TENM2: variants seen among roughly 807,000 people sequenced by gnomAD.
TENM2 encodes teneurin-2.
In TENM2, 52 loss-of-function variants were observed where a neutral mutation model predicts 245.2. The ratio of observed to expected loss-of-function variants is 0.21; its 90% CI spans 0.17 to 0.27. The LOEUF is 0.27. Among genes scored for constraint, TENM2 ranks in the 10% least tolerant of loss-of-function variants. TENM2 has a pLI of 1.00. For synonymous variants in TENM2, 1,363 were observed against 1,438.9 expected (o/e 0.95, Z 1.19); for missense variants, 3,046 against 3,666.8 (o/e 0.83, Z 4.37).
chr5:167,652,574 A>G (rs923649309), intron 2 of TENM2, among the ~76,000 whole-genome samples: 1 of 122,136 alleles, frequency 8.2e-6, no homozygotes, highest in Non-Finnish European at 1.7e-5. Flanking sequence ...AATTCATCCT[A>G]TCCTTCCCCC....
chr5:167,397,226 T>C (rs1275096380), intron 2 of TENM2, among the ~76,000 whole-genome samples: 1 of 150,194 alleles, frequency 6.7e-6, no homozygotes, highest in Non-Finnish European at 1.5e-5. Flanking sequence ...GGAGGGAGAA[T>C]AGGAGAGAAT....
At chr5:167,839,898 A>C (rs1312568470) in intron 2 of TENM2, among the ~76,000 whole-genome samples, 1 of 152,098 alleles carries the variant, frequency 6.6e-6, no homozygotes, top group Non-Finnish European at 1.5e-5. Flanking sequence ...GCTCACTGCA[A>C]CCTCCGCCTC....
chr5:168,071,049 C>T (rs546675972), intron 7 of TENM2, among the ~76,000 whole-genome samples: 2 of 152,248 alleles, frequency 1.3e-5, no homozygotes, highest in East Asian at 3.9e-4. Flanking sequence ...GCTGGAGAGC[C>T]TGGGCAGAAG....
intron 11 of TENM2, among the ~76,000 whole-genome samples, chr5:168,126,265 C>T (rs1353171458): frequency 1.3e-5 from 2 of 152,184 alleles, no homozygotes; most frequent in African/African-American, 4.8e-5. Context: ...TCAGTTCAGG[C>T]TGTCAGTGGG....
At chr5:168,216,154 G>A (rs1763174678) in intron 21 of TENM2, among the ~76,000 whole-genome samples, 1 of 152,158 alleles carries the variant, frequency 6.6e-6, no homozygotes, top group Non-Finnish European at 1.5e-5. Flanking sequence ...CCTTGTACTT[G>A]GGCACTGGGG....
chr5:167,573,531 C>CCTCTCCCCCT (rs1554083977), intron 2 of TENM2, among the ~76,000 whole-genome samples: 2 of 149,832 alleles, frequency 1.3e-5, no homozygotes, highest in Non-Finnish European at 3.0e-5. Flanking sequence ...CCCCTCTCCC[C>CCTCTCCCCCT]CTCTCTCTCT....
At chr5:167,275,999 A>T in the TENM2 span, among the ~76,000 whole-genome samples, 412 of 152,114 alleles carry the variant, frequency 2.7e-3, 12 homozygotes, top group East Asian at 0.056. Flanking sequence ...AATTACATTC[A>T]TTGCCTTTAA....
chr5:167,180,185 C>T, the TENM2 span, among the ~76,000 whole-genome samples: 1 of 148,582 alleles, frequency 6.7e-6, no homozygotes, highest in African/African-American at 2.5e-5. Context: ...TCTAGGCTCA[C>T]CACAACGTCC....
intron 6 of TENM2, among the ~76,000 whole-genome samples, chr5:168,057,794 T>C (rs1789679926): frequency 6.6e-6 from 1 of 152,250 alleles, no homozygotes; most frequent in Non-Finnish European, 1.5e-5. Flanking sequence ...AATTTTATTT[T>C]ATTTAATAAA....
the TENM2 span, among the ~76,000 whole-genome samples, chr5:167,080,326 T>C: frequency 1.3e-5 from 2 of 151,932 alleles, no homozygotes; most frequent in East Asian, 3.9e-4. Context: ...GAATTACTAA[T>C]CACTCTTTAT....
At chr5:167,679,413 CAT>C (rs1219361514) in intron 2 of TENM2, among the ~76,000 whole-genome samples, 4 of 152,082 alleles carry the variant, frequency 2.6e-5, no homozygotes, top group African/African-American at 9.7e-5. Context: ...GGCATGAATT[CAT>C]ATGTTATCAG....
chr5:168,045,606 G>A (rs955574367), intron 5 of TENM2, among the ~76,000 whole-genome samples: 25 of 152,252 alleles, frequency 1.6e-4, no homozygotes, highest in Admixed American at 1.2e-3. Context: ...GGGTTCCAGC[G>A]GCACCTGCAG....
intron 2 of TENM2, among the ~76,000 whole-genome samples, chr5:167,474,693 T>C (rs943616999): frequency 6.6e-6 from 1 of 152,084 alleles, no homozygotes; most frequent in Non-Finnish European, 1.5e-5. Context: ...TTTTGTATTT[T>C]TTAGTAGAGA....
chr5:167,537,952 C>T (rs1473214332), intron 2 of TENM2, among the ~76,000 whole-genome samples: 1 of 152,190 alleles, frequency 6.6e-6, no homozygotes, highest in Non-Finnish European at 1.5e-5. Context: ...GTCAAACAAG[C>T]AGTCAGCTTA....
intron 7 of TENM2, among the ~76,000 whole-genome samples, chr5:168,078,089 G>A (rs1002882642): frequency 1.7e-4 from 26 of 152,114 alleles, no homozygotes; most frequent in African/African-American, 5.6e-4. Context: ...TCCAGCACCC[G>A]TTGTTTCCTG....
intron 9 of TENM2, among the ~76,000 whole-genome samples, chr5:168,107,303 G>T (rs1794324196): frequency 6.6e-6 from 1 of 152,042 alleles, no homozygotes; most frequent in African/African-American, 2.4e-5. Context: ...TCTCCATGAT[G>T]GTATTTCTCC....
chr5:167,445,304 C>A (rs1442278932), intron 2 of TENM2, among the ~76,000 whole-genome samples: 2 of 95,854 alleles, frequency 2.1e-5, no homozygotes, highest in African/African-American at 4.4e-5. Context: ...TATTATAAAC[C>A]ATATGATTAT....
At chr5:167,688,090 G>A (rs1489857503) in intron 2 of TENM2, among the ~76,000 whole-genome samples, 1 of 152,146 alleles carries the variant, frequency 6.6e-6, no homozygotes, top group Admixed American at 6.6e-5. Flanking sequence ...TGGAGAAACT[G>A]AGGGAGGGAT....
At chr5:167,266,901 C>A in the TENM2 span, among the ~76,000 whole-genome samples, 3 of 152,112 alleles carry the variant, frequency 2.0e-5, no homozygotes, top group African/African-American at 7.2e-5. Flanking sequence ...ACAGTGCAAC[C>A]CACCTGCAAT....
Sources: gnomAD v4.1 joint callset for allele counts (sites outside exome capture counted in the v4.1 genomes callset) on GRCh38, gnomAD v4.1.1 for gene constraint, MANE v1.5 for transcripts, NCBI Gene and HGNC (gene_info 2026-07-23, HGNC 2026-07-21) for gene names.